Variants in FOXP1 observed in about 807,000 individuals in gnomAD.
FOXP1 encodes forkhead box protein P1.
In FOXP1, 15 loss-of-function variants were observed where a neutral mutation model predicts 98.2. The ratio of observed to expected loss-of-function variants is 0.15; its 90% CI spans 0.10 to 0.24. FOXP1 has a LOEUF of 0.24. Among genes scored for constraint, FOXP1 ranks in the 10% least tolerant of loss-of-function variants. The probability of loss-of-function intolerance (pLI) is 1.00; values close to 1 mark genes in which losing one functional copy is unlikely to be tolerated. For synonymous variants in FOXP1, 371 were observed against 314.5 expected (o/e 1.18, Z -1.90); for missense variants, 633 against 848.5 (o/e 0.75, Z 3.15).
chr3:71,015,759 C>T lies in FOXP1; in HGVS notation c.870-106G>A, dbSNP rs561027209. 82 of 702,698 alleles carry T rather than the reference C, an allele frequency of 1.2e-4. 1 individual carries two copies. In the East Asian group the frequency reaches 2.1e-3, roughly 18 times the overall value. The allele number at this position is 702,698 out of a possible 1,614,324, so 43.5% of individuals were successfully genotyped here. A position where few individuals can be genotyped will look rare whatever the true frequency, so the allele number is the denominator to read the frequency against. The stretch of plus-strand genomic sequence containing the variant: ...AGGAGCCCACATGGCCAAATGTGGA[C>T]AAGACAAATCTGTGATTTCCCCCAT... On this transcript the variant is annotated intron_variant, in intron 11 of 20. Coordinates refer to ENST00000649528, the MANE Select transcript of FOXP1 (RefSeq NM_001349338.3).
chr3:71,373,129 T>C (rs2079463668), intron 3 of FOXP1, among the ~76,000 whole-genome samples: 1 of 152,218 alleles, frequency 6.6e-6, no homozygotes, highest in South Asian at 2.1e-4. Context: ...CAGTTCGTAA[T>C]TTTGTCACAG....
At chr3:71,240,550 ATTT>A (rs79848482) in intron 5 of FOXP1, among the ~76,000 whole-genome samples, 2 of 151,048 alleles carry the variant, frequency 1.3e-5, no homozygotes, top group Admixed American at 1.3e-4. Flanking sequence ...GTGTTTTTTT[ATTT>A]TTTTTTTTAG....
At chr3:71,200,962 CGT>C (rs2063637000) in intron 5 of FOXP1, among the ~76,000 whole-genome samples, 1 of 152,130 alleles carries the variant, frequency 6.6e-6, no homozygotes. Flanking sequence ...AACCCAAAGA[CGT>C]ATATATTTTT....
rs71120316 is a variant in FOXP1, at chr3:71,345,871, TAAAAAAAAA to T, written c.-73+13270_-73+13278del. ...AGGTTTGAAATCAATAAAGTTTTTG[TAAAAAAAAA>T]AAAAAAAAAAAAAAAAAAGAGGAGT... is the stretch of plus-strand genomic sequence containing the variant. On this transcript the variant is annotated intron_variant, in intron 4 of 20. Coordinates refer to ENST00000649528, the MANE Select transcript of FOXP1 (RefSeq NM_001349338.3). Among the ~76,000 whole-genome samples, 474 of 55,132 alleles carry T rather than the reference TAAAAAAAAA, an allele frequency of 8.6e-3. 35 individuals carry two copies. In the East Asian group the frequency reaches 0.21, roughly 25 times the overall value. The allele number at this position is 55,132 out of a possible 152,430, so 36.2% of individuals were successfully genotyped here. A position where few individuals can be genotyped will look rare whatever the true frequency, so the allele number is the denominator to read the frequency against.
intron 7 of FOXP1, among the ~76,000 whole-genome samples, chr3:71,107,788 A>C (rs914590609): frequency 2.0e-5 from 3 of 152,236 alleles, no homozygotes; most frequent in Non-Finnish European, 4.4e-5. Context: ...CGTGGAAATG[A>C]TATGAGCTAC....
chr3:71,183,793 G>A (rs1181744045), intron 6 of FOXP1, among the ~76,000 whole-genome samples: 1 of 152,062 alleles, frequency 6.6e-6, no homozygotes, highest in Admixed American at 6.6e-5. Context: ...ATGCAAATTT[G>A]GAGGCCCTGC....
intron 9 of FOXP1, among the ~76,000 whole-genome samples, 189 bp downstream of exon 9, chr3:71,052,348 T>C (rs1188904831): frequency 1.3e-5 from 2 of 152,126 alleles, no homozygotes; most frequent in South Asian, 2.1e-4. Context: ...TTATAAAATA[T>C]GTGGCAGCAA....
rs556099670 is a variant in FOXP1, at chr3:71,100,660, T to TTC, written c.282+11874_282+11875dup. ...ACACACAATTTAATCACCAAAGGTC[T>TTC]TCTCTCTAAACAGCAGGCAACACAG... On this transcript the variant is annotated intron_variant, in intron 7 of 20. Coordinates refer to ENST00000649528, the MANE Select transcript of FOXP1 (RefSeq NM_001349338.3). Among the ~76,000 whole-genome samples the TTC allele has an allele frequency of 2.4e-3, 372 of 152,346 alleles. 1 individual carries two copies. The highest frequency in any genetic ancestry group is 4.0e-3 in the Non-Finnish European group (270 of 68,030).
intron 5 of FOXP1, among the ~76,000 whole-genome samples, chr3:71,236,538 A>G (rs1384425548): frequency 6.6e-6 from 1 of 152,222 alleles, no homozygotes; most frequent in Non-Finnish European, 1.5e-5. Context: ...GAGGCAAGCC[A>G]CATGTGTAAT....
At chr3:71,214,434 G>A (rs1253910479) in intron 5 of FOXP1, among the ~76,000 whole-genome samples, 4 of 152,140 alleles carry the variant, frequency 2.6e-5, no homozygotes, top group Non-Finnish European at 4.4e-5. Context: ...GATGACTACA[G>A]GGTCAACGGC....
At chr3:71,547,344 C>G (rs967597618) in intron 2 of FOXP1, among the ~76,000 whole-genome samples, 1 of 152,168 alleles carries the variant, frequency 6.6e-6, no homozygotes, top group Non-Finnish European at 1.5e-5. Flanking sequence ...TTGTGGAAAC[C>G]CAGCAAGAAC....
At chr3:71,067,176 G>A (rs114482758) in intron 7 of FOXP1, among the ~76,000 whole-genome samples, 3,824 of 152,170 alleles carry the variant, frequency 0.025, 65 homozygotes, top group Middle Eastern at 0.071. Context: ...AGCCCATCTC[G>A]CCCTGTCTCC....
intron 7 of FOXP1, among the ~76,000 whole-genome samples, chr3:71,058,792 T>TA (rs1180731555): frequency 1.3e-5 from 2 of 151,256 alleles, no homozygotes; most frequent in East Asian, 1.9e-4. Flanking sequence ...TCCATGGTAT[T>TA]AAAAAAACAA....
intron 9 of FOXP1, 111 bp downstream of exon 9, chr3:71,052,426 G>A (rs975712070): frequency 2.2e-5 from 17 of 778,410 alleles, no homozygotes; most frequent in Middle Eastern, 2.8e-4. Flanking sequence ...GCTGAGAACC[G>A]ATAGAGTCAG....
chr3:71,302,236 G>A (rs370438808), intron 4 of FOXP1, among the ~76,000 whole-genome samples: 11 of 152,128 alleles, frequency 7.2e-5, no homozygotes, highest in African/African-American at 2.7e-4. Flanking sequence ...TCATGCTAAA[G>A]TAAATGAAAT....
At chr3:71,280,375 C>T (rs1464268402) in intron 5 of FOXP1, among the ~76,000 whole-genome samples, 1 of 150,254 alleles carries the variant, frequency 6.7e-6, no homozygotes, top group Non-Finnish European at 1.5e-5. Flanking sequence ...GGCTGGAGTG[C>T]AGTGGTGCGA....
rs144457766 is a variant in FOXP1 at position 71,318,514 on chromosome 3, C to T, written c.-72-18634G>A. On this transcript the variant is annotated intron_variant, in intron 4 of 20. Coordinates refer to ENST00000649528, the MANE Select transcript of FOXP1 (RefSeq NM_001349338.3). The stretch of plus-strand genomic sequence containing the variant: ...TGGCTTTGAGGTTTCATAATACACA[C>T]TTAACACTTGAGTTAGAGAACACAT... 2.4e-3 allele frequency among the ~76,000 whole-genome samples: 371 copies of T among 152,336 alleles called. 3 individuals carry two copies. Among genetic ancestry groups the T allele is most frequent in the Non-Finnish European group, 4.7e-3 (317 of 68,036 alleles).
intron 5 of FOXP1, among the ~76,000 whole-genome samples, chr3:71,264,391 C>T (rs780083899): frequency 2.0e-5 from 3 of 152,162 alleles, no homozygotes; most frequent in South Asian, 2.1e-4. Context: ...TATGGTAAAC[C>T]GCCAGCAAAT....
At chr3:71,107,617 A>T in intron 7 of FOXP1, among the ~76,000 whole-genome samples, 1 of 152,128 alleles carries the variant, frequency 6.6e-6, no homozygotes, top group East Asian at 1.9e-4. Context: ...TTAAAAAAAA[A>T]AGTTTGCTTC....
Sources: allele counts gnomAD v4.1 joint callset (sites outside exome capture counted in the v4.1 genomes callset), GRCh38; gene constraint gnomAD v4.1.1; transcripts MANE v1.5; gene names NCBI Gene and HGNC (gene_info 2026-07-23, HGNC 2026-07-21).